Variants in LPP observed in about 807,000 individuals in gnomAD.
LPP encodes the protein lipoma-preferred partner.
A neutral mutation model predicts 60.4 loss-of-function variants in LPP; 38 were observed. That is an observed-to-expected ratio of 0.63 (90% CI 0.49 to 0.83). LPP has a LOEUF of 0.83. Ranked by LOEUF, LPP falls within the 40% of genes least tolerant of loss-of-function variation. The pLI, the probability that LPP is intolerant of heterozygous loss-of-function variation, is 0.00. For missense variants in LPP, 902 were observed against 783.6 expected, an observed-to-expected ratio of 1.15 and a Z score of -1.80; for synonymous variants, 328 against 290.8, an observed-to-expected ratio of 1.13 and a Z score of -1.30.
In LPP at chr3:188,883,117, G is replaced by C. The variant is rs775885066; in HGVS notation, c.*8638G>C. On this transcript the variant is annotated 3_prime_UTR_variant, in exon 12 of 12. Transcript: ENST00000617246. The stretch of plus-strand genomic sequence containing the variant: ...CTTTAAAACAGAGCCAGCCTTTGGG[G>C]CATATGTTCTCTTTGGTGCCACACA... The C allele has an allele frequency of 9.2e-6, 2 of 218,090 alleles. No individual in the cohort carries two copies. Among genetic ancestry groups the C allele is most frequent in the East Asian group, 1.3e-4 (2 of 14,884 alleles). 13.5% of individuals were successfully genotyped at this position (218,090 alleles called of 1,614,324 possible). A position where few individuals can be genotyped will look rare whatever the true frequency, so the allele number is the denominator to read the frequency against.
At chr3:188,696,002 A>G (rs777389340) in intron 7 of LPP, among the ~76,000 whole-genome samples, 3 of 152,222 alleles carry the variant, frequency 2.0e-5, no homozygotes, top group Non-Finnish European at 4.4e-5. Context: ...TTAACAAACC[A>G]CTAACTTGGT....
intron 8 of LPP, chr3:188,712,977 T>A (rs1371142253): frequency 6.6e-6 from 1 of 152,222 alleles, no homozygotes; most frequent in Non-Finnish European, 1.5e-5. Context: ...CAGTTTTATT[T>A]ATATTGAATT....
At chr3:188,265,614 T>C (rs1735215724) in intron 2 of LPP, among the ~76,000 whole-genome samples, 1 of 152,086 alleles carries the variant, frequency 6.6e-6, no homozygotes, top group Non-Finnish European at 1.5e-5. Context: ...AAGGATATTG[T>C]TTTAGGCTTT....
intron 5 of LPP, among the ~76,000 whole-genome samples, chr3:188,498,613 A>G (rs1012889988): frequency 2.6e-5 from 4 of 152,178 alleles, no homozygotes; most frequent in South Asian, 4.1e-4. Context: ...TAATGCTGCT[A>G]TAAGTATGGG....
intron 3 of LPP, among the ~76,000 whole-genome samples, chr3:188,400,233 G>T (rs1781924240): frequency 6.6e-6 from 1 of 152,172 alleles, no homozygotes; most frequent in Admixed American, 6.5e-5. Flanking sequence ...TTGAATTGTG[G>T]TGTTTTCCTT....
intron 6 of LPP, among the ~76,000 whole-genome samples, chr3:188,584,768 T>C (rs1249253819): frequency 6.6e-6 from 1 of 152,044 alleles, no homozygotes; most frequent in Admixed American, 6.6e-5. Flanking sequence ...GTCTTTTCAA[T>C]ACTTTCAACA....
intron 7 of LPP, among the ~76,000 whole-genome samples, chr3:188,636,522 A>T (rs1313478804): frequency 3.3e-5 from 5 of 152,176 alleles, no homozygotes; most frequent in African/African-American, 1.2e-4. Context: ...TAAACAAAGC[A>T]GCCAGGAAGC....
chr3:188,618,784 T>G (rs1202164481), intron 7 of LPP, among the ~76,000 whole-genome samples: 1 of 152,168 alleles, frequency 6.6e-6, no homozygotes, highest in Non-Finnish European at 1.5e-5. Context: ...TCTTTATAAG[T>G]GTTTGGTATA....
chr3:188,166,045 G>A (rs1719842465), intron 1 of LPP, among the ~76,000 whole-genome samples: 1 of 152,124 alleles, frequency 6.6e-6, no homozygotes. Context: ...TGGAGTTACT[G>A]AATCTCTAAT....
intron 2 of LPP, among the ~76,000 whole-genome samples, chr3:188,257,017 A>G (rs1731896987): frequency 6.6e-6 from 1 of 152,158 alleles, no homozygotes. Context: ...GGGAGAGGGA[A>G]TATGTGGCAT....
At chr3:188,353,826 A>C (rs1262690029) in intron 3 of LPP, among the ~76,000 whole-genome samples, 2 of 152,196 alleles carry the variant, frequency 1.3e-5, no homozygotes, top group Non-Finnish European at 2.9e-5. Context: ...TAATTTCCTT[A>C]ATTTGAAATA....
intron 8 of LPP, among the ~76,000 whole-genome samples, chr3:188,734,364 G>A (rs956371058): frequency 3.2e-4 from 49 of 152,178 alleles, no homozygotes; most frequent in African/African-American, 1.2e-3. Flanking sequence ...TTAGTGACAT[G>A]TAAATTCCTG....
At chr3:188,193,745 T>A (rs1488491646) in intron 1 of LPP, among the ~76,000 whole-genome samples, 2 of 152,038 alleles carry the variant, frequency 1.3e-5, no homozygotes, top group African/African-American at 4.8e-5. Context: ...AGTAGAAGGT[T>A]CTTTTTTTTT....
At chr3:188,862,487 A>G (rs754541707) in intron 9 of LPP, among the ~76,000 whole-genome samples, 29 of 152,080 alleles carry the variant, frequency 1.9e-4, no homozygotes, top group Non-Finnish European at 3.8e-4. Flanking sequence ...GCATTCTCTA[A>G]GCAAAGTAGA....
rs1754526880 is a variant in LPP, at chr3:188,823,398, G to C, written c.1411-42802G>C. ...CTTTCTTTTAAAGAGAGTTCACCCT[G>C]GGATATTAAATAAAATGGAATTTGG... On this transcript the variant is annotated intron_variant, in intron 9 of 11. Coordinates refer to ENST00000617246, the MANE Select transcript of LPP (RefSeq NM_001375462.1). Among the ~76,000 whole-genome samples, 3 of 152,000 alleles carry C rather than the reference G, an allele frequency of 2.0e-5. No homozygotes were observed. The South Asian group carries it at 6.2e-4, about 31-fold the overall frequency.
At chr3:188,309,851 A>G (rs571540902) in intron 2 of LPP, among the ~76,000 whole-genome samples, 1 of 152,174 alleles carries the variant, frequency 6.6e-6, no homozygotes, top group East Asian at 1.9e-4. Context: ...TATCGCAAAA[A>G]CCACATACTT....
At chr3:188,216,909 T>C (rs1188763006) in intron 1 of LPP, among the ~76,000 whole-genome samples, 2 of 152,254 alleles carry the variant, frequency 1.3e-5, no homozygotes, top group African/African-American at 4.8e-5. Context: ...TTTTATACAA[T>C]CTGTCAGGCT....
At chr3:188,329,883 TA>T (rs1759508082) in intron 2 of LPP, among the ~76,000 whole-genome samples, 1 of 152,200 alleles carries the variant, frequency 6.6e-6, no homozygotes. Flanking sequence ...TGCCATTCTT[TA>T]CCTAAATTAA....
intron 2 of LPP, chr3:188,313,065 A>G (rs1328896713): frequency 7.9e-5 from 12 of 152,002 alleles, no homozygotes; most frequent in Non-Finnish European, 1.6e-4. Flanking sequence ...GCAAACCAAC[A>G]TGGCACATGT....
Sources: allele counts gnomAD v4.1 joint callset (sites outside exome capture counted in the v4.1 genomes callset), GRCh38; gene constraint gnomAD v4.1.1; transcripts MANE v1.5; gene names NCBI Gene and HGNC (gene_info 2026-07-23, HGNC 2026-07-21).